The following HMCN1 variants were observed in gnomAD, a reference collection of about 807,000 sequenced individuals.
HMCN1 encodes hemicentin 1.
HMCN1 carries 321 observed loss-of-function variants against 625.9 expected under a neutral mutation model. The observed-to-expected ratio is 0.51, with a 90% CI of 0.47 to 0.56. HMCN1 has a LOEUF of 0.56. Ranked by LOEUF, HMCN1 falls within the 20% of genes least tolerant of loss-of-function variation. HMCN1 has a pLI of 0.00. For missense variants in HMCN1, 6,588 were observed against 6,887.3 expected (o/e 0.96, Z 1.54); for synonymous variants, 2,425 against 2,417.6 (o/e 1.00, Z -0.09).
chr1:186,162,017 C>T (rs563876171), intron 97 of HMCN1, among the ~76,000 whole-genome samples: 3 of 152,308 alleles, frequency 2.0e-5, no homozygotes, highest in African/African-American at 7.2e-5. Context: ...AGAGTGTTTT[C>T]CAACTTGGTT....
In HMCN1 at chr1:185,748,990, A is replaced by G. The variant is rs1007802049; in HGVS notation, c.268+13943A>G. The stretch of plus-strand genomic sequence containing the variant: ...AGGATAAAACCAGTTTTGTGTACTG[A>G]TAAATGTTAAATCTCTGGCTCTGGA... On this transcript the variant is annotated intron_variant, in intron 1 of 106. Coordinates refer to ENST00000271588, the MANE Select transcript of HMCN1 (RefSeq NM_031935.3). 4.6e-5 allele frequency among the ~76,000 whole-genome samples: 7 copies of G among 152,310 alleles called. No homozygotes were observed. The East Asian group carries it at 1.4e-3, about 29-fold the overall frequency.
At chr1:185,886,412 A>G (rs944793215) in intron 4 of HMCN1, among the ~76,000 whole-genome samples, 1 of 152,154 alleles carries the variant, frequency 6.6e-6, no homozygotes, top group African/African-American at 2.4e-5. Flanking sequence ...TTTAGGTCCT[A>G]TGAAACTTGA....
chr1:185,843,972 T>A (rs144142585), intron 1 of HMCN1, among the ~76,000 whole-genome samples: 3 of 152,220 alleles, frequency 2.0e-5, no homozygotes, highest in Non-Finnish European at 4.4e-5. Context: ...CTATAGGGAA[T>A]GTCCTTGCAT....
intron 67 of HMCN1, among the ~76,000 whole-genome samples, 194 bp from the exon 68 acceptor site, chr1:186,095,049 A>G (rs1315781903): frequency 6.6e-6 from 1 of 152,188 alleles, no homozygotes; most frequent in East Asian, 1.9e-4. Flanking sequence ...TTTCATTGCT[A>G]ATCTTTGGAA....
At chr1:185,994,323 T>C (rs1485991280) in intron 23 of HMCN1, among the ~76,000 whole-genome samples, 2 of 152,154 alleles carry the variant, frequency 1.3e-5, no homozygotes, top group Non-Finnish European at 2.9e-5. Context: ...TGTGGTTTTC[T>C]CATCTGAAAT....
At chr1:185,959,140 T>C (rs1649835327) in intron 11 of HMCN1, among the ~76,000 whole-genome samples, 1 of 152,226 alleles carries the variant, frequency 6.6e-6, no homozygotes, top group Non-Finnish European at 1.5e-5. Context: ...ACTTAGGTAA[T>C]TAAATCATTT....
chr1:186,008,125 C>T (rs1029443953), intron 30 of HMCN1, among the ~76,000 whole-genome samples: 1 of 152,168 alleles, frequency 6.6e-6, no homozygotes, highest in Non-Finnish European at 1.5e-5. Context: ...TACTTATGAT[C>T]TATTTCTTTC....
chr1:185,829,606 G>T (rs754115569), intron 1 of HMCN1, among the ~76,000 whole-genome samples: 4 of 152,126 alleles, frequency 2.6e-5, no homozygotes, highest in Non-Finnish European at 5.9e-5. Flanking sequence ...TTTTATGGCT[G>T]CATAGTATTC....
chr1:185,872,293 T>C (rs1663667470), intron 4 of HMCN1, among the ~76,000 whole-genome samples: 1 of 152,164 alleles, frequency 6.6e-6, no homozygotes, highest in Non-Finnish European at 1.5e-5. Flanking sequence ...GTTGTCTGTA[T>C]GAGTATGTGC....
At chr1:185,952,424 GGGTTGGTACTGAGGGGACA>G (rs1649263564) in intron 11 of HMCN1, among the ~76,000 whole-genome samples, 2 of 151,768 alleles carry the variant, frequency 1.3e-5, no homozygotes, top group South Asian at 4.1e-4. Flanking sequence ...GCGACGCTTG[GGGTTGGTACTGAGGGGACA>G]GGTGGGAGGG....
At chr1:185,804,881 T>C (rs1023997305) in intron 1 of HMCN1, among the ~76,000 whole-genome samples, 2 of 152,126 alleles carry the variant, frequency 1.3e-5, no homozygotes, top group African/African-American at 4.8e-5. Context: ...AGATTCCTGC[T>C]GTTAGAAAGT....
At chr1:185,864,651 C>A in intron 3 of HMCN1, 23 bp downstream of exon 3, 1 of 1,611,640 alleles carries the variant, frequency 6.2e-7, no homozygotes. Flanking sequence ...CAACCCCAAA[C>A]GTCTCTGTCT....
rs1027390136 is a variant in HMCN1, at chr1:186,033,064, G to GCGCACA, written c.5750-4869_5750-4868insGCACAC. 3.0e-3 allele frequency among the ~76,000 whole-genome samples: 423 copies of GCGCACA among 140,392 alleles called. 1 individual carries two copies. The highest frequency in any genetic ancestry group is 0.01 in the African/African-American group (403 of 39,424). The allele number at this position is 140,392 out of a possible 152,430, so 92.1% of individuals were successfully genotyped here. On this transcript the variant is annotated intron_variant, in intron 36 of 106. Transcript: ENST00000271588. ...TAAAGAAAATGTGATATACACACACGCACACACACACACACACACACACAC... is the reference window on the plus strand; with the variant it reads ...TAAAGAAAATGTGATATACACACACGCGCACACACACACACACACACACACACACAC...
At chr1:185,808,090 A>T (rs1659287698) in intron 1 of HMCN1, among the ~76,000 whole-genome samples, 1 of 152,154 alleles carries the variant, frequency 6.6e-6, no homozygotes, top group African/African-American at 2.4e-5. Context: ...AAAAACCTGT[A>T]ATCCCAGCAC....
Position 186,082,909 on chromosome 1 carries a change from T to G in HMCN1, c.8832T>G (p.Val2944=). Residue 2944 remains valine, a synonymous_variant, in exon 57 of 107, where the codon GTT becomes GTG. Transcript: ENST00000271588. ...QITDIGRYVC[V]AENTAGSAKK... is the part of the protein sequence containing the mutation. ...CAGATATCGGCAGGTATGTGTGTGT[T>G]GCTGAGAACACAGCTGGGAGTGCCA... The G allele has an allele frequency of 1.3e-6, 2 of 1,597,618 alleles. No individual in the cohort carries two copies. Among genetic ancestry groups the G allele is most frequent in the Non-Finnish European group, 1.7e-6 (2 of 1,170,968 alleles).
intron 46 of HMCN1, among the ~76,000 whole-genome samples, chr1:186,061,569 AT>A (rs1440226683): frequency 1.3e-5 from 2 of 152,188 alleles, no homozygotes; most frequent in African/African-American, 4.8e-5. Flanking sequence ...ATCTTTTAAG[AT>A]CATATTCAAA....
At chr1:185,757,161 C>T (rs1224813251) in intron 1 of HMCN1, among the ~76,000 whole-genome samples, 1 of 152,108 alleles carries the variant, frequency 6.6e-6, no homozygotes, top group African/African-American at 2.4e-5. Context: ...TTAGTGGAGA[C>T]AGGGTTTCAC....
In HMCN1 at chr1:185,860,692, A is replaced by G. The variant is rs186878571; in HGVS notation, c.340-3778A>G. Among the ~76,000 whole-genome samples, 14 of 152,320 alleles carry G rather than the reference A, an allele frequency of 9.2e-5. No homozygotes were observed. The East Asian group carries it at 2.7e-3, about 29-fold the overall frequency. ...TTGTTAGTTCTTTCATAAAAGTCAA[A>G]TAATTCATTTTAGAGTATATGATAT... On this transcript the variant is annotated intron_variant, in intron 2 of 106. Transcript: ENST00000271588.
chr1:186,150,784 C>A (rs981921273), intron 93 of HMCN1, among the ~76,000 whole-genome samples: 2 of 151,990 alleles, frequency 1.3e-5, no homozygotes, highest in Non-Finnish European at 2.9e-5. Context: ...TTTCTACAAA[C>A]TTAAAGCTAC....
Sources: allele counts gnomAD v4.1 joint callset (sites outside exome capture counted in the v4.1 genomes callset), GRCh38; gene constraint gnomAD v4.1.1; transcripts MANE v1.5; gene names NCBI Gene and HGNC (gene_info 2026-07-23, HGNC 2026-07-21).